Variants in MAPK13 observed in about 807,000 individuals in gnomAD.
The protein encoded by MAPK13 is mitogen-activated protein kinase 13.
Under a neutral mutation model 53.5 loss-of-function variants are expected in MAPK13, and 39 were observed. That is an observed-to-expected ratio of 0.73 (90% CI 0.56 to 0.95). MAPK13 has a LOEUF of 0.95. Among genes scored for constraint, MAPK13 ranks in the 40% least tolerant of loss-of-function variants. The pLI is 0.00. For synonymous variants in MAPK13, 179 were observed against 190.9 expected (o/e 0.94, Z 0.51); for missense variants, 460 against 471.8 (o/e 0.98, Z 0.23).
Position 36,138,786 on chromosome 6 carries a change from T to A in MAPK13, c.841+6T>A. 1.2e-6 allele frequency: 2 copies of A among 1,614,084 alleles called. No homozygotes were observed. The highest frequency in any genetic ancestry group is 1.7e-6 in the Non-Finnish European group (2 of 1,179,980). ...CCCACGGGCCAGCCCCCAGGGTGAG[T>A]CTCAGAGCCCGCTCCCCAGGGGCCT... On this transcript the variant is annotated splice_donor_region_variant and intron_variant, in intron 10 of 11. Transcript: ENST00000211287.
rs552836103 is a variant in MAPK13 at position 36,140,456 on chromosome 6, G to C, written c.*1083G>C. 6.5e-6 allele frequency: 1 copy of C among 152,720 alleles called. No individual in the cohort carries two copies. The highest frequency in any genetic ancestry group is 2.4e-5 in the African/African-American group (1 of 41,412). 9.5% of individuals were successfully genotyped at this position (152,720 alleles called of 1,614,324 possible). On this transcript the variant is annotated 3_prime_UTR_variant, in exon 12 of 12. Transcript: ENST00000211287. ...CAAATTTCCATGTGCACAAGCTGTC[G>C]GGCACAGTGGGTCTCAAATTTCCTT... is the stretch of plus-strand genomic sequence containing the variant.
At chr6:36,139,237 T>C (rs549100227) in intron 11 of MAPK13, 57 bp from the exon 12 acceptor site, 275 of 1,530,238 alleles carry the variant, frequency 1.8e-4, no homozygotes, top group Non-Finnish European at 2.4e-4. Flanking sequence ...TGAAGGGGGG[T>C]GGACTTTCTC....
At position 36,141,280 on chromosome 6, in the gene MAPK13, A is replaced by G. The variant is rs753727605; in HGVS notation, c.*1907A>G. Reference sequence around the variant, plus strand: ...TCATAAATTGTAACAATTGTGCCACACTAATGCAAGATGTTACTCATCAAG... The same window carrying G: ...TCATAAATTGTAACAATTGTGCCACGCTAATGCAAGATGTTACTCATCAAG... On this transcript the variant is annotated 3_prime_UTR_variant, in exon 12 of 12. Transcript: ENST00000211287. 3.9e-5 allele frequency: 6 copies of G among 152,270 alleles called. No individual in the cohort carries two copies. The highest frequency in any genetic ancestry group is 7.2e-5 in the African/African-American group (3 of 41,468). The allele number at this position is 152,270 out of a possible 1,614,324, so 9.4% of individuals were successfully genotyped here.
In MAPK13 at chr6:36,144,087, G is replaced by T. The variant is rs1271352746; in HGVS notation, c.*4714G>T. 1.3e-5 allele frequency: 2 copies of T among 152,016 alleles called. No individual in the cohort carries two copies. The highest frequency in any genetic ancestry group is 2.9e-5 in the Non-Finnish European group (2 of 68,008). 9.4% of individuals were successfully genotyped at this position (152,016 alleles called of 1,614,324 possible). A position where few individuals can be genotyped will look rare whatever the true frequency, so the allele number is the denominator to read the frequency against. On this transcript the variant is annotated 3_prime_UTR_variant, in exon 12 of 12. Coordinates refer to ENST00000211287, the MANE Select transcript of MAPK13 (RefSeq NM_002754.5). ...TGCAATCACAGCTCACTGTAGCCTC[G>T]ACCTCCCTGGGTTCAGGTGATCCTC...
intron 8 of MAPK13, among the ~76,000 whole-genome samples, chr6:36,137,641 C>A (rs1275768172): frequency 2.0e-5 from 3 of 148,632 alleles, no homozygotes; most frequent in African/African-American, 5.0e-5. Context: ...CAGAGGGAGA[C>A]CCTAACTCAA....
At chr6:36,132,702 C>T (rs377275606) in intron 3 of MAPK13, 23 bp downstream of exon 3, 13 of 1,613,972 alleles carry the variant, frequency 8.1e-6, no homozygotes, top group Non-Finnish European at 1.0e-5. Flanking sequence ...GCACTGGGTT[C>T]TGGGGCATTT....
At chr6:36,137,638 A>T (rs1214861860) in intron 8 of MAPK13, among the ~76,000 whole-genome samples, 2 of 148,308 alleles carry the variant, frequency 1.3e-5, no homozygotes, top group Non-Finnish European at 3.0e-5. Flanking sequence ...TGACAGAGGG[A>T]GACCCTAACT....
rs1432045302 is a variant in MAPK13 at position 36,135,575 on chromosome 6, T to TGGGAGCCA, written c.309-175_309-168dup. Among the ~76,000 whole-genome samples the TGGGAGCCA allele has an allele frequency of 5.9e-5, 9 of 152,326 alleles. No individual in the cohort carries two copies. The South Asian group carries it at 1.9e-3, about 32-fold the overall frequency. Reference sequence around the variant, plus strand: ...GCTGGGCGGCCCGCCACAGGGAGACTGGGAGCCAGGAGCCCAGAGGCCCGT... The same window carrying TGGGAGCCA: ...GCTGGGCGGCCCGCCACAGGGAGACTGGGAGCCAGGGAGCCAGGAGCCCAGAGGCCCGT... On this transcript the variant is annotated intron_variant, in intron 3 of 11. Coordinates refer to ENST00000211287, the MANE Select transcript of MAPK13 (RefSeq NM_002754.5).
In MAPK13 at chr6:36,142,400, C is replaced by CT. The variant is rs1420277287; in HGVS notation, c.*3028dup. ...CGTGCGTGGAAGGCCCTCCATTCTC[C>CT]TCTCCATTCTCCTTGGCCTTCAAGG... On this transcript the variant is annotated 3_prime_UTR_variant, in exon 12 of 12. Coordinates refer to ENST00000211287, the MANE Select transcript of MAPK13 (RefSeq NM_002754.5). This position sits in a 1 kb window ranked among gnomAD's most constrained non-coding sequence, Gnocchi z 4.4. The CT allele has an allele frequency of 6.6e-6, 1 of 152,468 alleles. No individual in the cohort carries two copies. The highest frequency in any genetic ancestry group is 1.5e-5 in the Non-Finnish European group (1 of 68,252). The allele number at this position is 152,468 out of a possible 1,614,324, so 9.4% of individuals were successfully genotyped here.
intron 9 of MAPK13, 104 bp downstream of exon 9, chr6:36,138,548 C>A: frequency 7.7e-7 from 1 of 1,303,652 alleles, no homozygotes; most frequent in Non-Finnish European, 1.1e-6. Context: ...AGCACCTTCC[C>A]ACAGCATCCT....
At chr6:36,136,183 C>G (rs1041556731) in intron 5 of MAPK13, 135 bp downstream of exon 5, 2 of 1,079,214 alleles carry the variant, frequency 1.9e-6, no homozygotes, top group Non-Finnish European at 1.4e-6. Flanking sequence ...AGTTTTCACA[C>G]CCAGCCACGG....
At position 36,130,768 on chromosome 6, in the gene MAPK13, C is replaced by A. The variant is rs967553619; in HGVS notation, c.119+67C>A. ...GGCTCTCCCCTTTCCGCCCAGCCCG[C>A]CCTGGGCTGGCCCCTCGCCAGCGCC... On this transcript the variant is annotated intron_variant, in intron 1 of 11. Transcript: ENST00000211287. This position sits in a 1 kb window ranked among gnomAD's most constrained non-coding sequence, Gnocchi z 4.5. 3 of 877,006 alleles carry A rather than the reference C, an allele frequency of 3.4e-6. No individual in the cohort carries two copies. Among genetic ancestry groups the A allele is most frequent in the African/African-American group, 3.6e-5 (2 of 55,348 alleles). The allele number at this position is 877,006 out of a possible 1,614,324, so 54.3% of individuals were successfully genotyped here. A position where few individuals can be genotyped will look rare whatever the true frequency, so the allele number is the denominator to read the frequency against.
At position 36,130,991 on chromosome 6, in the gene MAPK13, C is replaced by A; in HGVS notation, c.120-280C>A. The A allele has an allele frequency of 1.9e-6, 1 of 528,856 alleles. No individual in the cohort carries two copies. 32.8% of individuals were successfully genotyped at this position (528,856 alleles called of 1,614,324 possible). On this transcript the variant is annotated intron_variant, in intron 1 of 11. Coordinates refer to ENST00000211287, the MANE Select transcript of MAPK13 (RefSeq NM_002754.5). The surrounding 1 kb of genome is among the most constrained non-coding windows in gnomAD (Gnocchi z 4.5). ...TGTTACAGACGAGTACACCGAGGCC[C>A]CAAGAGGGGGAGGTGGCTCGCCAAG...
rs1253312033 is a variant in MAPK13 at position 36,143,656 on chromosome 6, A to G, written c.*4283A>G. The stretch of plus-strand genomic sequence containing the variant: ...AATGCTGGGAGGCTCCCCTTCCTTC[A>G]TTACACAGTGAACTCATGTGCTCTA... On this transcript the variant is annotated 3_prime_UTR_variant, in exon 12 of 12. Coordinates refer to ENST00000211287, the MANE Select transcript of MAPK13 (RefSeq NM_002754.5). 1 of 152,120 alleles carries G rather than the reference A, an allele frequency of 6.6e-6. No individual in the cohort carries two copies. The highest frequency in any genetic ancestry group is 1.9e-4 in the East Asian group (1 of 5,182). The allele number at this position is 152,120 out of a possible 1,614,324, so 9.4% of individuals were successfully genotyped here. A position where few individuals can be genotyped will look rare whatever the true frequency, so the allele number is the denominator to read the frequency against.
intron 3 of MAPK13, among the ~76,000 whole-genome samples, chr6:36,134,147 G>A (rs145964879): frequency 2.0e-4 from 31 of 152,284 alleles, no homozygotes; most frequent in African/African-American, 7.5e-4. Flanking sequence ...TTCTAGCACA[G>A]AGAGGCTTCA....
chr6:36,131,714 A>T (rs985271890), intron 2 of MAPK13, among the ~76,000 whole-genome samples: 2 of 152,208 alleles, frequency 1.3e-5, no homozygotes, highest in African/African-American at 4.8e-5. Context: ...TGGGACTAGA[A>T]TCCTAGTTAG....
At chr6:36,132,596 C>T in intron 2 of MAPK13, 25 bp from the exon 3 acceptor site, 1 of 1,612,122 alleles carries the variant, frequency 6.2e-7, no homozygotes, top group Non-Finnish European at 8.5e-7. Context: ...GTCTGTCTAG[C>T]CCTCACAGGT....
At position 36,138,752 on chromosome 6, in the gene MAPK13, T is replaced by C; in HGVS notation, c.813T>C (p.Thr271=). ...SLPQTPRKDF[T]QLFPRASPQA... ...CACAGACCCCCAGGAAGGATTTCAC[T>C]CAGCTGTTCCCACGGGCCAGCCCCC... Residue 271 remains threonine (T), a synonymous_variant, in exon 10 of 12, where the codon ACT becomes ACC. Coordinates refer to ENST00000211287, the MANE Select transcript of MAPK13 (RefSeq NM_002754.5). 2.5e-6 allele frequency: 4 copies of C among 1,614,170 alleles called. No homozygotes were observed. Among genetic ancestry groups the C allele is most frequent in the Non-Finnish European group, 3.4e-6 (4 of 1,180,014 alleles).
At chr6:36,131,675 GGTTCCAT>G (rs1766326592) in intron 2 of MAPK13, among the ~76,000 whole-genome samples, 1 of 152,216 alleles carries the variant, frequency 6.6e-6, no homozygotes, top group Admixed American at 6.5e-5. Flanking sequence ...CTTTGTAATT[GGTTCCAT>G]GTCTGAGAGC....
Sources: allele counts gnomAD v4.1 joint callset (sites outside exome capture counted in the v4.1 genomes callset), GRCh38; gene constraint gnomAD v4.1.1; non-coding constraint Gnocchi (gnomAD v3.1); transcripts MANE v1.5; gene names NCBI Gene and HGNC (gene_info 2026-07-23, HGNC 2026-07-21).